The following THSD7A variants were observed in gnomAD, a reference collection of about 807,000 sequenced individuals.
The protein encoded by THSD7A is thrombospondin type 1 domain containing 7A.
A neutral mutation model predicts 231.3 loss-of-function variants in THSD7A; 96 were observed. That is an observed-to-expected ratio of 0.41 (90% confidence interval 0.35 to 0.49). THSD7A has a LOEUF of 0.49. Ranked by LOEUF, THSD7A falls within the 20% of genes least tolerant of loss-of-function variation. THSD7A has a pLI of 0.05. For synonymous variants in THSD7A, 940 were observed against 743.3 expected (o/e 1.26, Z -4.30); for missense variants, 2,290 against 2,070.2 (o/e 1.11, Z -2.06).
chr7:11,581,530 T>C (rs62), intron 4 of THSD7A, among the ~76,000 whole-genome samples: 77,816 of 150,716 alleles, frequency 0.52, 20,195 homozygotes, highest in Admixed American at 0.62. Context: ...AAAAGAGAGA[T>C]AGGTTTGAAA....
At chr7:11,574,834 A>G (rs1321134641) in intron 4 of THSD7A, among the ~76,000 whole-genome samples, 5 of 152,144 alleles carry the variant, frequency 3.3e-5, no homozygotes, top group Non-Finnish European at 7.4e-5. Flanking sequence ...CACTATTTAA[A>G]AGAGAGGCAC....
In THSD7A at chr7:11,636,023, G is replaced by T; in HGVS notation, c.1022+107C>A. 3 of 1,071,974 alleles carry T rather than the reference G, an allele frequency of 2.8e-6. No homozygotes were observed. Among genetic ancestry groups the T allele is most frequent in the Non-Finnish European group, 4.0e-6 (3 of 750,038 alleles). The allele number at this position is 1,071,974 out of a possible 1,614,324, so 66.4% of individuals were successfully genotyped here. ...TAAATTTGGGGGTAGCTCATCCTAG[G>T]TTGTGCCCCTACGTAATCCAGAAGT... On this transcript the variant is annotated intron_variant, in intron 2 of 27. Coordinates refer to ENST00000423059, the MANE Select transcript of THSD7A (RefSeq NM_015204.3). This position sits in a 1 kb window ranked among gnomAD's most constrained non-coding sequence, Gnocchi z 10.0.
chr7:11,484,160 A>T (rs1490410043), intron 6 of THSD7A, among the ~76,000 whole-genome samples: 2 of 151,990 alleles, frequency 1.3e-5, no homozygotes, highest in East Asian at 1.9e-4. Context: ...CCCATCTAAG[A>T]TCCAACATCT....
chr7:11,387,546 G>T (rs767299846), intron 23 of THSD7A, among the ~76,000 whole-genome samples: 2 of 152,088 alleles, frequency 1.3e-5, no homozygotes, highest in East Asian at 3.8e-4. Flanking sequence ...TGTGATTTTT[G>T]CACATTGATT....
intron 1 of THSD7A, among the ~76,000 whole-genome samples, chr7:11,693,160 GA>G (rs1780286343): frequency 6.6e-6 from 1 of 151,270 alleles, no homozygotes; most frequent in Non-Finnish European, 1.5e-5. Flanking sequence ...TTTAAAGTAG[GA>G]AAAAAATAGT....
intron 1 of THSD7A, among the ~76,000 whole-genome samples, chr7:11,683,826 T>A (rs1046583868): frequency 4.6e-5 from 7 of 151,938 alleles, no homozygotes; most frequent in African/African-American, 4.8e-5. Flanking sequence ...CCTACTGAAA[T>A]GATTCCAAAA....
At position 11,391,942 on chromosome 7, in the gene THSD7A, C is replaced by A. The variant is rs115335581; in HGVS notation, c.4412-9326G>T. Among the ~76,000 whole-genome samples, 575 of 152,160 alleles carry A rather than the reference C, an allele frequency of 3.8e-3. 5 individuals are homozygous for A. Among genetic ancestry groups the A allele is most frequent in the African/African-American group, 0.013 (549 of 41,550 alleles). The stretch of plus-strand genomic sequence containing the variant: ...GGGCTGCACCCACTGTCCAACGAGT[C>A]CCAATGAAATGAATTGGGTACCTCA... On this transcript the variant is annotated intron_variant, in intron 23 of 27. Transcript: ENST00000423059.
At chr7:11,581,918 A>G (rs1378874855) in intron 4 of THSD7A, among the ~76,000 whole-genome samples, 1 of 152,124 alleles carries the variant, frequency 6.6e-6, no homozygotes, top group Non-Finnish European at 1.5e-5. Flanking sequence ...GTCTGCTTAC[A>G]TATTTTCCAG....
chr7:11,677,816 A>C (rs1315659286), intron 1 of THSD7A, among the ~76,000 whole-genome samples: 1 of 152,042 alleles, frequency 6.6e-6, no homozygotes, highest in Non-Finnish European at 1.5e-5. Context: ...GATATCCAGG[A>C]GTTGAACTCA....
At chr7:11,581,358 T>C (rs1397352313) in intron 4 of THSD7A, among the ~76,000 whole-genome samples, 1 of 152,086 alleles carries the variant, frequency 6.6e-6, no homozygotes, top group Non-Finnish European at 1.5e-5. Flanking sequence ...TATTTTATTA[T>C]TAGCTTAATA....
rs1434343223 is a variant in THSD7A at position 11,371,717 on chromosome 7, G to T, written c.*4077C>A. On this transcript the variant is annotated 3_prime_UTR_variant, in exon 28 of 28. Coordinates refer to ENST00000423059, the MANE Select transcript of THSD7A (RefSeq NM_015204.3). Reference sequence around the variant, plus strand: ...TATGGGATGGTCTAAAGCAAGTGTAGGCATGGACATTTTTACAGAAAAGGG... The same window carrying T: ...TATGGGATGGTCTAAAGCAAGTGTATGCATGGACATTTTTACAGAAAAGGG... 6.6e-6 allele frequency: 1 copy of T among 150,996 alleles called. No homozygotes were observed. The highest frequency in any genetic ancestry group is 1.5e-5 in the Non-Finnish European group (1 of 67,910). The allele number at this position is 150,996 out of a possible 1,614,324, so 9.4% of individuals were successfully genotyped here.
chr7:11,807,398 A>C (rs1784426259), intron 1 of THSD7A, among the ~76,000 whole-genome samples: 1 of 152,160 alleles, frequency 6.6e-6, no homozygotes, highest in South Asian at 2.1e-4. Flanking sequence ...TATACTACTT[A>C]TTTGGGGTAT....
At chr7:11,555,157 T>C (rs1369856658) in intron 4 of THSD7A, among the ~76,000 whole-genome samples, 2 of 151,912 alleles carry the variant, frequency 1.3e-5, no homozygotes, top group African/African-American at 4.8e-5. Context: ...TCACTCCCAT[T>C]TTTCTTGGTT....
Position 11,831,765 on chromosome 7 carries a change from C to T in THSD7A, c.182G>A (p.Trp61Ter). 6.8e-7 allele frequency: 1 copy of T among 1,474,492 alleles called. No individual in the cohort carries two copies. Among genetic ancestry groups the T allele is most frequent in the South Asian group, 1.4e-5 (1 of 70,878 alleles). 91.3% of individuals were successfully genotyped at this position (1,474,492 alleles called of 1,614,324 possible). A position where few individuals can be genotyped will look rare whatever the true frequency, so the allele number is the denominator to read the frequency against. Residue 61 changes from tryptophan (W) to a stop codon, truncating the protein, a stop_gained, in exon 1 of 28, where the codon TGG becomes TAG. Transcript: ENST00000423059. LOFTEE classifies it high-confidence loss of function. This position sits in a 1 kb window ranked among gnomAD's most constrained non-coding sequence, Gnocchi z 5.0. ...GEAEAPTLYL[W>*]KTGPWGRCMG... ...AACTCCGTCCCACTTACCAGTCTTC[C>T]ACAGATAGAGGGTGGGCGCCTCCGC...
At chr7:11,734,054 A>G (rs921832021) in intron 1 of THSD7A, among the ~76,000 whole-genome samples, 3 of 151,742 alleles carry the variant, frequency 2.0e-5, no homozygotes, top group Non-Finnish European at 4.4e-5. Flanking sequence ...TCTCCCTTGG[A>G]GACTCCCTTG....
chr7:11,621,438 T>C (rs1411247244), intron 2 of THSD7A, among the ~76,000 whole-genome samples: 1 of 152,186 alleles, frequency 6.6e-6, no homozygotes, highest in African/African-American at 2.4e-5. Flanking sequence ...GACATCCCTT[T>C]AATAACTATT....
intron 10 of THSD7A, among the ~76,000 whole-genome samples, chr7:11,461,421 T>C (rs879667076): frequency 1.3e-5 from 2 of 152,192 alleles, no homozygotes; most frequent in Admixed American, 6.5e-5. Context: ...ACTGCAAATG[T>C]ATACGTCAGA....
rs1324586561 is a variant in THSD7A, at chr7:11,370,375, A to C, written c.*5419T>G. ...AAAAGGATTTAGGTATTCACTGGAAAAAAATTTTAATCCATATTTAAGAAG... is the reference window on the plus strand; with the variant it reads ...AAAAGGATTTAGGTATTCACTGGAACAAAATTTTAATCCATATTTAAGAAG... On this transcript the variant is annotated 3_prime_UTR_variant, in exon 28 of 28. Transcript: ENST00000423059. 3.3e-5 allele frequency: 5 copies of C among 152,214 alleles called. No homozygotes were observed. Among genetic ancestry groups the C allele is most frequent in the Non-Finnish European group, 7.3e-5 (5 of 68,028 alleles). 9.4% of individuals were successfully genotyped at this position (152,214 alleles called of 1,614,324 possible). A position where few individuals can be genotyped will look rare whatever the true frequency, so the allele number is the denominator to read the frequency against.
intron 11 of THSD7A, among the ~76,000 whole-genome samples, chr7:11,449,036 T>C (rs947556540): frequency 1.1e-4 from 17 of 152,222 alleles, no homozygotes; most frequent in African/African-American, 4.1e-4. Context: ...TGGTACTCTG[T>C]TTAATCATAG....
Sources: gnomAD v4.1 joint callset for allele counts (sites outside exome capture counted in the v4.1 genomes callset) on GRCh38, gnomAD v4.1.1 for gene constraint, Gnocchi (gnomAD v3.1) non-coding constraint, MANE v1.5 for transcripts, NCBI Gene and HGNC (gene_info 2026-07-23, HGNC 2026-07-21) for gene names.